PRKD1: variants seen among roughly 807,000 people sequenced by gnomAD.
PRKD1 encodes protein kinase D1.
A neutral mutation model predicts 95.9 loss-of-function variants in PRKD1; 63 were observed. The observed-to-expected ratio is 0.66, with a 90% CI of 0.54 to 0.81. PRKD1 has a LOEUF of 0.81. PRKD1 is among the 30% of genes least tolerant of loss of function. The pLI is 0.00. For synonymous variants in PRKD1, 425 were observed against 423.1 expected (o/e 1.00, Z -0.05); for missense variants, 1,048 against 1,165.3 (o/e 0.90, Z 1.47).
At position 29,895,983 on chromosome 14, in the gene PRKD1, T is replaced by C. The variant is rs139851604; in HGVS notation, c.264+31266A>G. On this transcript the variant is annotated intron_variant, in intron 1 of 17. Transcript: ENST00000331968. Reference sequence around the variant, plus strand: ...ATGCTTACTTTTCATTGTTTATCTCTATCCACTAGAATGTAGCTTCAAGAG... The same window carrying C: ...ATGCTTACTTTTCATTGTTTATCTCCATCCACTAGAATGTAGCTTCAAGAG... Among the ~76,000 whole-genome samples the C allele has an allele frequency of 3.3e-5, 5 of 152,338 alleles. No individual in the cohort carries two copies. In the East Asian group the frequency reaches 9.6e-4, roughly 29 times the overall value.
Position 29,638,649 on chromosome 14 carries a change from G to A in PRKD1, c.907+45C>T, listed in dbSNP as rs1566505096. 3.1e-6 allele frequency: 5 copies of A among 1,611,204 alleles called. No homozygotes were observed. The Middle Eastern group carries it at 6.6e-4, about 213-fold the overall frequency. On this transcript the variant is annotated intron_variant, in intron 5 of 17. Transcript: ENST00000331968. ...TAACCAGAAAATACTTATGTCAGAT[G>A]AATGAGGGTGATCAAAGTTCGACAG...
At chr14:29,861,274 T>C (rs932257932) in intron 1 of PRKD1, among the ~76,000 whole-genome samples, 2 of 152,218 alleles carry the variant, frequency 1.3e-5, no homozygotes, top group African/African-American at 4.8e-5. Flanking sequence ...GAGATGGTTT[T>C]AGCTTGGTAA....
At chr14:29,913,101 GTTGTCTTT>G (rs2139124399) in intron 1 of PRKD1, among the ~76,000 whole-genome samples, 1 of 152,306 alleles carries the variant, frequency 6.6e-6, no homozygotes, top group Admixed American at 6.5e-5. Flanking sequence ...CTAAATGTTA[GTTGTCTTT>G]TCATTTTTAA....
At chr14:29,701,904 C>G (rs542238289) in intron 2 of PRKD1, among the ~76,000 whole-genome samples, 1 of 152,128 alleles carries the variant, frequency 6.6e-6, no homozygotes, top group Admixed American at 6.6e-5. Context: ...CTTAACATCT[C>G]AGAATCACAA....
chr14:29,624,475 G>T lies in PRKD1; in HGVS notation c.1799-217C>A, dbSNP rs45454798. ...AATAGCCATAATTTAGAACGCAAAA[G>T]AATTGGGGCATTAAAAGCTATACGT... On this transcript the variant is annotated intron_variant, in intron 12 of 17. Coordinates refer to ENST00000331968, the MANE Select transcript of PRKD1 (RefSeq NM_002742.3). Among the ~76,000 whole-genome samples, 407 of 152,030 alleles carry T rather than the reference G, an allele frequency of 2.7e-3. 2 individuals are homozygous for T. The highest frequency in any genetic ancestry group is 9.5e-3 in the African/African-American group (394 of 41,498).
intron 2 of PRKD1, among the ~76,000 whole-genome samples, chr14:29,694,233 C>T (rs183731821): frequency 2.0e-5 from 3 of 152,220 alleles, no homozygotes; most frequent in Non-Finnish European, 4.4e-5. Flanking sequence ...ACAGTAAAAT[C>T]GTTATTGCTA....
chr14:29,580,276 AT>A (rs1892712116), intron 16 of PRKD1, among the ~76,000 whole-genome samples: 1 of 152,160 alleles, frequency 6.6e-6, no homozygotes, highest in African/African-American at 2.4e-5. Context: ...TCTGAAGGGA[AT>A]GGAATAAGTA....
At chr14:29,770,008 A>T (rs1888432213) in intron 1 of PRKD1, among the ~76,000 whole-genome samples, 1 of 152,108 alleles carries the variant, frequency 6.6e-6, no homozygotes, top group Admixed American at 6.5e-5. Flanking sequence ...CATGAATGGG[A>T]TTAGTGCCCT....
At chr14:29,811,562 T>A (rs538412132) in intron 1 of PRKD1, among the ~76,000 whole-genome samples, 102 of 152,326 alleles carry the variant, frequency 6.7e-4, no homozygotes, top group Non-Finnish European at 1.4e-3. Context: ...GGCGGCCACA[T>A]CTATGCCCTG....
intron 2 of PRKD1, among the ~76,000 whole-genome samples, chr14:29,695,675 A>C (rs1884476373): frequency 6.6e-6 from 1 of 152,182 alleles, no homozygotes; most frequent in Admixed American, 6.5e-5. Context: ...AGACATTCCA[A>C]GTGGAGATGT....
intron 1 of PRKD1, among the ~76,000 whole-genome samples, chr14:29,847,616 C>G (rs1892132681): frequency 6.6e-6 from 1 of 152,140 alleles, no homozygotes; most frequent in Non-Finnish European, 1.5e-5. Context: ...ATATTTCATG[C>G]AACAGACTAA....
chr14:29,735,250 C>G (rs1886657935), intron 1 of PRKD1, among the ~76,000 whole-genome samples: 1 of 151,982 alleles, frequency 6.6e-6, no homozygotes, highest in East Asian at 1.9e-4. Context: ...TTAGGATAAG[C>G]AATAAAATGA....
chr14:29,878,205 C>T (rs1893371622), intron 1 of PRKD1, among the ~76,000 whole-genome samples: 2 of 151,990 alleles, frequency 1.3e-5, no homozygotes, highest in Admixed American at 1.3e-4. Context: ...GAGCACTTGG[C>T]TTAGTACTTG....
intron 2 of PRKD1, among the ~76,000 whole-genome samples, chr14:29,687,971 C>T (rs927202534): frequency 4.6e-5 from 7 of 152,158 alleles, no homozygotes; most frequent in African/African-American, 1.2e-4. Context: ...CTGTAAACTC[C>T]GTGGCTTAAA....
chr14:29,712,938 C>T (rs2139360905), intron 2 of PRKD1, among the ~76,000 whole-genome samples: 1 of 152,210 alleles, frequency 6.6e-6, no homozygotes, highest in South Asian at 2.1e-4. Flanking sequence ...AATCTTTTAC[C>T]TCCAACAAAA....
chr14:29,859,607 CAAAA>C (rs60316151), intron 1 of PRKD1, among the ~76,000 whole-genome samples: 1 of 124,574 alleles, frequency 8.0e-6, no homozygotes, highest in Admixed American at 8.5e-5. Context: ...GACTCTGTCT[CAAAA>C]AAAAAAAAAA....
chr14:29,677,086 A>G (rs546338938), intron 2 of PRKD1, among the ~76,000 whole-genome samples: 3 of 152,212 alleles, frequency 2.0e-5, no homozygotes, highest in Non-Finnish European at 4.4e-5. Context: ...ATTTAACAAC[A>G]ACAAAAAAAT....
chr14:29,593,521 C>A (rs892499121), intron 16 of PRKD1, among the ~76,000 whole-genome samples: 15 of 152,158 alleles, frequency 9.9e-5, no homozygotes, highest in Non-Finnish European at 1.9e-4. Context: ...TAACCATAGC[C>A]AATCAGTGCC....
At chr14:29,877,047 G>A (rs776281772) in intron 1 of PRKD1, among the ~76,000 whole-genome samples, 7 of 152,160 alleles carry the variant, frequency 4.6e-5, no homozygotes, top group Admixed American at 6.5e-5. Context: ...AACTACTCGC[G>A]AGGCTTAGGC....
Sources: gnomAD v4.1 joint callset for allele counts (sites outside exome capture counted in the v4.1 genomes callset) on GRCh38, gnomAD v4.1.1 for gene constraint, MANE v1.5 for transcripts, NCBI Gene and HGNC (gene_info 2026-07-23, HGNC 2026-07-21) for gene names.